The following ASAP2 variants were observed in gnomAD, a reference collection of about 807,000 sequenced individuals.
The protein encoded by ASAP2 is arf-GAP with SH3 domain, ANK repeat and PH domain-containing protein 2.
ASAP2 carries 45 observed loss-of-function variants against 131.4 expected under a neutral mutation model. The observed-to-expected ratio is 0.34, with a 90% confidence interval of 0.27 to 0.44. ASAP2 has a LOEUF of 0.44. ASAP2 is among the 20% of genes least tolerant of loss of function. The pLI, the probability that ASAP2 is intolerant of heterozygous loss-of-function variation, is 1.00. For synonymous variants in ASAP2, 510 were observed against 503.0 expected, an observed-to-expected ratio of 1.01 and a Z score of -0.19; for missense variants, 1,011 against 1,297.0, an observed-to-expected ratio of 0.78 and a Z score of 3.39.
At chr2:9,316,842 A>G (rs1172159423) in intron 3 of ASAP2, among the ~76,000 whole-genome samples, 1 of 151,830 alleles carries the variant, frequency 6.6e-6, no homozygotes, top group Non-Finnish European at 1.5e-5. Flanking sequence ...TGCTTCAGGG[A>G]GAAGAATGGG....
chr2:9,388,304 A>G lies in ASAP2; in HGVS notation c.2141A>G (p.Asn714Ser), dbSNP rs758369349. 1.2e-6 allele frequency: 2 copies of G among 1,613,924 alleles called. No individual in the cohort carries two copies. Among genetic ancestry groups the G allele is most frequent in the South Asian group, 1.1e-5 (1 of 91,036 alleles). Reference sequence around the variant, plus strand: ...AATGTTCTCCTGCAGCCCAGTCCCAACCGGCGGGAAGACCGGCCCATCAGC... The same window carrying G: ...AATGTTCTCCTGCAGCCCAGTCCCAGCCGGCGGGAAGACCGGCCCATCAGC... Reference protein sequence around the residue: ...DMDEKLQPSPNRREDRPISFY... With the variant: ...DMDEKLQPSPSRREDRPISFY... The change falls in exon 22 of 28, where the codon AAC (asparagine) becomes AGC (serine). Residue 714 changes from asparagine (N) to serine (S), a missense_variant. Physicochemically the swap from Asn to Ser is conservative, Grantham distance 46 (BLOSUM62 1). This residue lies in a region of ASAP2 where 652 missense variants were observed against 698.9 expected (regional missense o/e 0.93). Coordinates refer to ENST00000281419, the MANE Select transcript of ASAP2 (RefSeq NM_003887.3).
chr2:9,259,339 C>G (rs991250314), intron 1 of ASAP2, among the ~76,000 whole-genome samples: 1 of 152,228 alleles, frequency 6.6e-6, no homozygotes, highest in African/African-American at 2.4e-5. Flanking sequence ...TGTTGCTGCA[C>G]TTCCCCTCCC....
At chr2:9,344,312 G>C (rs113838749) in intron 9 of ASAP2, among the ~76,000 whole-genome samples, 2,812 of 152,178 alleles carry the variant, frequency 0.018, 84 homozygotes, top group African/African-American at 0.064. Flanking sequence ...TGGGAATATT[G>C]GTTTCCTGAC....
At chr2:9,358,624 T>G in intron 14 of ASAP2, 132 bp from the exon 15 acceptor site, 1 of 1,165,026 alleles carries the variant, frequency 8.6e-7, no homozygotes. Flanking sequence ...TGGACAAAGT[T>G]TCCAGCTGTG....
chr2:9,355,904 G>T, intron 12 of ASAP2, 143 bp from the exon 13 acceptor site: 1 of 958,636 alleles, frequency 1.0e-6, no homozygotes, highest in East Asian at 2.5e-5. Context: ...GAGGATATGA[G>T]GGAGTGCCTG....
At position 9,207,339 on chromosome 2, in the gene ASAP2, C is replaced by A; in HGVS notation, c.126+109C>A. 7.2e-7 allele frequency: 1 copy of A among 1,381,800 alleles called. No homozygotes were observed. The highest frequency in any genetic ancestry group is 9.4e-7 in the Non-Finnish European group (1 of 1,058,654). 85.6% of individuals were successfully genotyped at this position (1,381,800 alleles called of 1,614,324 possible). ...AAACTTTCTTTGCTCCGAAGCCGGACGCGGCCGGGCCAACCCTGCCCGAGA... is the reference window on the plus strand; with the variant it reads ...AAACTTTCTTTGCTCCGAAGCCGGAAGCGGCCGGGCCAACCCTGCCCGAGA... On this transcript the variant is annotated intron_variant, in intron 1 of 27. Coordinates refer to ENST00000281419, the MANE Select transcript of ASAP2 (RefSeq NM_003887.3). The surrounding 1 kb of genome is among the most constrained non-coding windows in gnomAD (Gnocchi z 4.1).
intron 3 of ASAP2, among the ~76,000 whole-genome samples, chr2:9,306,642 C>T (rs750970759): frequency 6.6e-5 from 10 of 151,880 alleles, no homozygotes; most frequent in Non-Finnish European, 1.3e-4. Flanking sequence ...CCTTTGTCCT[C>T]GGGTTGATGA....
At chr2:9,378,684 C>T (rs1202711254) in intron 18 of ASAP2, among the ~76,000 whole-genome samples, 1 of 152,222 alleles carries the variant, frequency 6.6e-6, no homozygotes, top group Admixed American at 6.5e-5. Flanking sequence ...TGCTCAGCAA[C>T]AACAGGGATG....
At chr2:9,334,616 C>T (rs928305402) in intron 7 of ASAP2, 122 bp from the exon 8 acceptor site, 3 of 778,712 alleles carry the variant, frequency 3.9e-6, no homozygotes, top group South Asian at 1.8e-5. Context: ...TCTGTTCATA[C>T]AGTCTTTTCC....
chr2:9,373,774 C>T (rs1216323479), intron 16 of ASAP2, among the ~76,000 whole-genome samples: 1 of 152,152 alleles, frequency 6.6e-6, no homozygotes, highest in African/African-American at 2.4e-5. Flanking sequence ...ACTGATCTGC[C>T]CCTGCCTGGC....
intron 3 of ASAP2, 96 bp downstream of exon 3, chr2:9,297,541 A>G (rs1668223972): frequency 2.8e-6 from 4 of 1,409,440 alleles, no homozygotes; most frequent in Non-Finnish European, 3.0e-6. Flanking sequence ...CTAGGAATGC[A>G]TTTCATAGTT....
rs35913703 is a variant in ASAP2 at position 9,270,785 on chromosome 2, A to ATTTTTTTTTTTTTTT, written c.127-8521_127-8507dup. Among the ~76,000 whole-genome samples, 308 of 52,918 alleles carry ATTTTTTTTTTTTTTT rather than the reference A, an allele frequency of 5.8e-3. 36 individuals carry two copies. The highest frequency in any genetic ancestry group is 7.5e-3 in the Non-Finnish European group (216 of 28,766). 34.7% of individuals were successfully genotyped at this position (52,918 alleles called of 152,430 possible). A position where few individuals can be genotyped will look rare whatever the true frequency, so the allele number is the denominator to read the frequency against. Reference sequence around the variant, plus strand: ...AGTCTCCATGAGTTCAATTGTTTTCATTTTTTTTTTTTTTTTTTTTTTTTT... The same window carrying ATTTTTTTTTTTTTTT: ...AGTCTCCATGAGTTCAATTGTTTTCATTTTTTTTTTTTTTTTTTTTTTTTTTTTTTTTTTTTTTTT... On this transcript the variant is annotated intron_variant, in intron 1 of 27. Transcript: ENST00000281419.
intron 16 of ASAP2, among the ~76,000 whole-genome samples, chr2:9,372,525 C>T (rs1471460160): frequency 6.6e-6 from 1 of 152,162 alleles, no homozygotes; most frequent in Non-Finnish European, 1.5e-5. Context: ...GAGTTCAGTT[C>T]CTACCATGTA....
At chr2:9,299,832 C>T (rs1437898009) in intron 3 of ASAP2, among the ~76,000 whole-genome samples, 7 of 151,544 alleles carry the variant, frequency 4.6e-5, no homozygotes, top group Admixed American at 4.6e-4. Context: ...CAGCCGGTGA[C>T]TCTTACACAG....
intron 12 of ASAP2, 40 bp from the exon 13 acceptor site, chr2:9,356,007 G>T: frequency 6.2e-7 from 1 of 1,607,688 alleles, no homozygotes; most frequent in Non-Finnish European, 8.5e-7. Context: ...TGTATGGATT[G>T]CTGTCTGGGC....
intron 3 of ASAP2, among the ~76,000 whole-genome samples, chr2:9,315,067 G>A (rs895517242): frequency 1.6e-4 from 25 of 152,182 alleles, no homozygotes; most frequent in Admixed American, 4.6e-4. Flanking sequence ...AGCAGGGATA[G>A]GGAAGACGTT....
chr2:9,375,567 C>T (rs1264706413), intron 17 of ASAP2, among the ~76,000 whole-genome samples: 1 of 152,190 alleles, frequency 6.6e-6, no homozygotes, highest in African/African-American at 2.4e-5. Context: ...TTAAAATCGA[C>T]TCAGTTTTGA....
intron 24 of ASAP2, among the ~76,000 whole-genome samples, chr2:9,397,727 G>GATATATATATATATATATATAT (rs200560260): frequency 6.0e-5 from 5 of 83,518 alleles, no homozygotes; most frequent in African/African-American, 3.9e-4. Context: ...AAATCAAAAG[G>GATATATATATATATATATATAT]ATATATATAT....
intron 1 of ASAP2, among the ~76,000 whole-genome samples, chr2:9,271,994 A>C (rs1046020431): frequency 6.6e-6 from 1 of 152,200 alleles, no homozygotes; most frequent in Non-Finnish European, 1.5e-5. Context: ...AATCTTGGCC[A>C]TTGTGAACAG....
Sources: allele counts gnomAD v4.1 joint callset (sites outside exome capture counted in the v4.1 genomes callset), GRCh38; gene constraint gnomAD v4.1.1; regional missense constraint gnomAD v4.1.1; non-coding constraint Gnocchi (gnomAD v3.1); transcripts MANE v1.5; gene names NCBI Gene and HGNC (gene_info 2026-07-23, HGNC 2026-07-21).